Variants in C4orf51 observed in about 807,000 individuals in gnomAD.
The protein encoded by C4orf51 is uncharacterized protein C4orf51.
In C4orf51, 25 loss-of-function variants were observed where a neutral mutation model predicts 25.2. That is an observed-to-expected ratio of 0.99 (90% CI 0.72 to 1.39). The LOEUF (loss-of-function observed/expected upper bound fraction) is 1.39, where lower values mean the gene tolerates loss of function less well. C4orf51 is among the 40% of genes most tolerant of loss of function. The pLI is 0.00. For missense variants in C4orf51, 252 were observed against 239.6 expected (o/e 1.05, Z -0.34); for synonymous variants, 100 against 84.5 (o/e 1.18, Z -1.01).
intron 2 of C4orf51, among the ~76,000 whole-genome samples, chr4:145,701,126 A>G (rs1290159376): frequency 6.6e-6 from 1 of 152,064 alleles, no homozygotes; most frequent in Non-Finnish European, 1.5e-5. Flanking sequence ...TCTTATTCTC[A>G]ATATACATTT....
At chr4:145,788,068 C>G in the C4orf51 span, among the ~76,000 whole-genome samples, 1 of 152,234 alleles carries the variant, frequency 6.6e-6, no homozygotes, top group African/African-American at 2.4e-5. Flanking sequence ...GACAGACCCA[C>G]AGTCTGCCTG....
At chr4:145,717,725 A>C (rs1731496727) in intron 2 of C4orf51, among the ~76,000 whole-genome samples, 1 of 152,224 alleles carries the variant, frequency 6.6e-6, no homozygotes, top group Non-Finnish European at 1.5e-5. Context: ...TCTGCCTTTC[A>C]AAGAGTTCAG....
intron 1 of C4orf51, among the ~76,000 whole-genome samples, chr4:145,684,085 A>C (rs1466733918): frequency 6.6e-6 from 1 of 150,968 alleles, no homozygotes; most frequent in Admixed American, 6.6e-5. Context: ...ATATACAAAG[A>C]ACTCTTAAAA....
downstream of C4orf51, among the ~76,000 whole-genome samples, chr4:145,736,828 C>T (rs1303350165): frequency 2.0e-5 from 3 of 152,234 alleles, no homozygotes; most frequent in East Asian, 1.9e-4. Flanking sequence ...CCTAAATTCA[C>T]GGCCTATGAC....
chr4:145,729,942 C>G lies in C4orf51; in HGVS notation c.478C>G (p.Arg160Gly). 1 of 1,613,786 alleles carries G rather than the reference C, an allele frequency of 6.2e-7. No individual in the cohort carries two copies. Among genetic ancestry groups the G allele is most frequent in the African/African-American group, 1.3e-5 (1 of 75,000 alleles). ...GGAGGCCCTGATAAACTACAGTCGA[C>G]GAGGGAAAGGTGTCCTAAAGCATGT... Reference protein sequence around the residue: ...AQEALINYSRRGKGVLKHLHG... With the variant: ...AQEALINYSRGGKGVLKHLHG... The change falls in exon 5 of 6, where the codon CGA (arginine) becomes GGA (glycine). Residue 160 changes from arginine (R) to glycine (G), a missense_variant. Arg to Gly is a moderately radical substitution (Grantham distance 125). Transcript: ENST00000438731.
chr4:145,725,386 T>C (rs1189871413), intron 2 of C4orf51, among the ~76,000 whole-genome samples: 1 of 152,096 alleles, frequency 6.6e-6, no homozygotes, highest in African/African-American at 2.4e-5. Context: ...GCAGTTTCTT[T>C]AAAGGTTAAA....
chr4:145,714,068 C>T (rs1160525894), intron 2 of C4orf51, among the ~76,000 whole-genome samples: 2 of 152,212 alleles, frequency 1.3e-5, no homozygotes, highest in African/African-American at 4.8e-5. Context: ...CAGGCGTGAT[C>T]TACTGCACCT....
In C4orf51 at chr4:145,681,037, C is replaced by T. The variant is rs563865464; in HGVS notation, c.233+601C>T. 1.8e-4 allele frequency among the ~76,000 whole-genome samples: 27 copies of T among 152,180 alleles called. No homozygotes were observed. The South Asian group carries it at 4.4e-3, about 25-fold the overall frequency. On this transcript the variant is annotated intron_variant, in intron 1 of 5. Transcript: ENST00000438731. Reference sequence around the variant, plus strand: ...AAGAGAGCTCAGTAAAATAGGTTTCCTCCAAGCTGGTTTGAAAGGCAGGCG... The same window carrying T: ...AAGAGAGCTCAGTAAAATAGGTTTCTTCCAAGCTGGTTTGAAAGGCAGGCG...
rs565822391 is a variant in C4orf51 at position 145,730,427 on chromosome 4, A to G, written c.501+462A>G. ...CTTCCCCAATATGACCCTCCAGACC[A>G]GGGATTCTCTCCTTCCTGATTAGAC... On this transcript the variant is annotated intron_variant, in intron 5 of 5. Coordinates refer to ENST00000438731, the MANE Select transcript of C4orf51 (RefSeq NM_001080531.3). 4.3e-4 allele frequency among the ~76,000 whole-genome samples: 66 copies of G among 152,296 alleles called. No individual in the cohort carries two copies. The South Asian group carries it at 0.013, about 30-fold the overall frequency.
chr4:145,703,118 G>T (rs936288450), intron 2 of C4orf51, among the ~76,000 whole-genome samples: 1 of 151,770 alleles, frequency 6.6e-6, no homozygotes, highest in Non-Finnish European at 1.5e-5. Flanking sequence ...TATATGCCCA[G>T]ATGGCCTGAA....
chr4:145,733,877 C>T (rs1732654027), downstream of C4orf51, among the ~76,000 whole-genome samples: 1 of 152,182 alleles, frequency 6.6e-6, no homozygotes, highest in Non-Finnish European at 1.5e-5. Flanking sequence ...AGAGAAAGGC[C>T]TCTGTTTAGG....
chr4:145,701,722 TA>T (rs1281602158), intron 2 of C4orf51, among the ~76,000 whole-genome samples: 1 of 152,000 alleles, frequency 6.6e-6, no homozygotes, highest in Non-Finnish European at 1.5e-5. Context: ...CTTGCCTCCA[TA>T]ACTGTTGTAG....
At chr4:145,750,412 G>GTTT (rs55700691) in intron 1 of C4orf51, among the ~76,000 whole-genome samples, 1 of 108,128 alleles carries the variant, frequency 9.2e-6, no homozygotes. Flanking sequence ...TAGGGTAAAA[G>GTTT]TTTTTTTTTT....
intron 2 of C4orf51, among the ~76,000 whole-genome samples, chr4:145,708,474 G>A (rs903980987): frequency 6.6e-6 from 1 of 152,176 alleles, no homozygotes; most frequent in Admixed American, 6.5e-5. Context: ...TAAAAACGAG[G>A]TGTCCCCTCT....
chr4:145,696,440 C>A, intron 1 of C4orf51, 119 bp from the exon 2 acceptor site: 1 of 843,984 alleles, frequency 1.2e-6, no homozygotes, highest in East Asian at 2.6e-5. Context: ...ACATGTACTC[C>A]CAAACCTAAA....
downstream of C4orf51, among the ~76,000 whole-genome samples, chr4:145,755,748 C>G (rs1277743045): frequency 1.3e-5 from 2 of 152,148 alleles, no homozygotes; most frequent in Non-Finnish European, 2.9e-5. Flanking sequence ...TGTAGTTATT[C>G]CCAAAATAAA....
rs1404653203 is a variant in C4orf51, at chr4:145,727,916, TA to T, written c.366+948del. Among the ~76,000 whole-genome samples the T allele has an allele frequency of 1.7e-4, 19 of 108,892 alleles. 1 individual carries two copies. Among genetic ancestry groups the T allele is most frequent in the South Asian group, 8.2e-4 (3 of 3,680 alleles). The allele number at this position is 108,892 out of a possible 152,430, so 71.4% of individuals were successfully genotyped here. ...ATGTGTATATATATATATATATATA[TA>T]TATATAAAATATATTATATATATAC... On this transcript the variant is annotated intron_variant, in intron 3 of 5. Coordinates refer to ENST00000438731, the MANE Select transcript of C4orf51 (RefSeq NM_001080531.3).
In C4orf51 at chr4:145,726,896, T is replaced by G; in HGVS notation, c.308-15T>G. The G allele has an allele frequency of 6.2e-7, 1 of 1,606,726 alleles. No individual in the cohort carries two copies. Among genetic ancestry groups the G allele is most frequent in the South Asian group, 1.1e-5 (1 of 90,752 alleles). ...CTGCATTTAATCCTGATTTTCCCTC[T>G]TCATGTGCATGCAGGACTATTCCCT... On this transcript the variant is annotated splice_polypyrimidine_tract_variant and intron_variant, in intron 2 of 5. Coordinates refer to ENST00000438731, the MANE Select transcript of C4orf51 (RefSeq NM_001080531.3).
At chr4:145,694,466 T>G (rs111559418) in intron 1 of C4orf51, among the ~76,000 whole-genome samples, 2 of 81,082 alleles carry the variant, frequency 2.5e-5, no homozygotes, top group African/African-American at 4.6e-5. Context: ...GGAGCCCCTC[T>G]GCCCGGCCAG....
Sources: gnomAD v4.1 joint callset for allele counts (sites outside exome capture counted in the v4.1 genomes callset) on GRCh38, gnomAD v4.1.1 for gene constraint, MANE v1.5 for transcripts, NCBI Gene and HGNC (gene_info 2026-07-23, HGNC 2026-07-21) for gene names.